The following KIAA1328 variants were observed in gnomAD, a reference collection of about 807,000 sequenced individuals.
The protein encoded by KIAA1328 is protein hinderin.
In KIAA1328, 52 loss-of-function variants were observed where a neutral mutation model predicts 68.1. That is an observed-to-expected ratio of 0.76 (90% CI 0.61 to 0.96). The LOEUF (loss-of-function observed/expected upper bound fraction) is 0.96, where lower values mean the gene tolerates loss of function less well. KIAA1328 is among the 40% of genes least tolerant of loss of function. The probability of loss-of-function intolerance (pLI) is 0.00; values close to 1 mark genes in which losing one functional copy is unlikely to be tolerated. For synonymous variants in KIAA1328, 232 were observed against 239.4 expected, an observed-to-expected ratio of 0.97 and a Z score of 0.28; for missense variants, 641 against 677.6, an observed-to-expected ratio of 0.95 and a Z score of 0.60.
chr18:37,015,314 G>A (rs2054115119), intron 6 of KIAA1328, among the ~76,000 whole-genome samples: 1 of 152,142 alleles, frequency 6.6e-6, no homozygotes, highest in Non-Finnish European at 1.5e-5. Context: ...CTCTTGTTGT[G>A]TGGACTTATT....
At chr18:36,956,543 T>G (rs1285354723) in intron 5 of KIAA1328, among the ~76,000 whole-genome samples, 47 of 137,202 alleles carry the variant, frequency 3.4e-4, no homozygotes, top group South Asian at 7.2e-4. Context: ...AGGAAGGAAG[T>G]GGGGGGGGGG....
At chr18:37,196,961 C>T (rs1313618964) in intron 9 of KIAA1328, among the ~76,000 whole-genome samples, 1 of 151,984 alleles carries the variant, frequency 6.6e-6, no homozygotes, top group Admixed American at 6.6e-5. Flanking sequence ...GCTTCAATCT[C>T]ATTAATTATT....
rs537416989 is a variant in KIAA1328 at position 36,833,853 on chromosome 18, T to C, written c.59-467T>C. ...AATAAATAATGTCTTTGTGTTTGCA[T>C]GATTGACTTGCCCTCAGTGTTTGTT... On this transcript the variant is annotated intron_variant, in intron 1 of 9. Coordinates refer to ENST00000280020, the MANE Select transcript of KIAA1328 (RefSeq NM_020776.3). Among the ~76,000 whole-genome samples the C allele has an allele frequency of 4.6e-5, 7 of 152,380 alleles. No homozygotes were observed. In the South Asian group the frequency reaches 1.4e-3, roughly 32 times the overall value.
At chr18:37,046,488 C>T (rs2055474924) in intron 6 of KIAA1328, among the ~76,000 whole-genome samples, 5 of 152,110 alleles carry the variant, frequency 3.3e-5, no homozygotes, top group African/African-American at 1.2e-4. Flanking sequence ...CTTGGCTCCT[C>T]CACTAGCACT....
At chr18:37,100,207 C>T (rs376982455) in intron 7 of KIAA1328, among the ~76,000 whole-genome samples, 4 of 152,150 alleles carry the variant, frequency 2.6e-5, no homozygotes, top group Admixed American at 6.5e-5. Flanking sequence ...AAGTGTGAGC[C>T]GAAGCAGGGC....
chr18:37,038,716 G>A (rs2055128530), intron 6 of KIAA1328, among the ~76,000 whole-genome samples: 1 of 151,564 alleles, frequency 6.6e-6, no homozygotes, highest in African/African-American at 2.4e-5. Flanking sequence ...TTATTGCACT[G>A]AATAGAACTT....
chr18:37,207,820 T>C (rs574636110), intron 9 of KIAA1328, among the ~76,000 whole-genome samples: 3 of 152,310 alleles, frequency 2.0e-5, no homozygotes, highest in African/African-American at 7.2e-5. Context: ...ATAAATTCAT[T>C]TATTTATTGA....
intron 7 of KIAA1328, among the ~76,000 whole-genome samples, chr18:37,113,329 C>T (rs556160279): frequency 6.6e-6 from 1 of 152,194 alleles, no homozygotes; most frequent in African/African-American, 2.4e-5. Context: ...ACTCTACAAG[C>T]CAGAAGAGAG....
intron 5 of KIAA1328, among the ~76,000 whole-genome samples, chr18:36,933,617 G>A (rs954461989): frequency 7.9e-5 from 12 of 152,246 alleles, no homozygotes; most frequent in Admixed American, 7.9e-4. Context: ...CAGCCCTGGG[G>A]TGCCAGGACC....
chr18:36,893,841 A>G (rs1355078025), intron 5 of KIAA1328, among the ~76,000 whole-genome samples: 1 of 152,124 alleles, frequency 6.6e-6, no homozygotes, highest in African/African-American at 2.4e-5. Context: ...AACTCTGCCC[A>G]CTTAGATATA....
intron 6 of KIAA1328, among the ~76,000 whole-genome samples, chr18:36,970,868 G>A (rs111589061): frequency 6.2e-4 from 95 of 152,142 alleles, no homozygotes; most frequent in Middle Eastern, 3.4e-3. Flanking sequence ...GAAAATGGCC[G>A]CAATGCCCAA....
At chr18:36,829,447 C>G in intron 1 of KIAA1328, 1 of 1,295,570 alleles carries the variant, frequency 7.7e-7, no homozygotes, top group Non-Finnish European at 9.7e-7. Context: ...CCGGTGAGCT[C>G]GAGAAAGATA....
intron 4 of KIAA1328, among the ~76,000 whole-genome samples, chr18:36,870,765 A>G (rs1441888900): frequency 6.6e-6 from 1 of 152,234 alleles, no homozygotes; most frequent in Non-Finnish European, 1.5e-5. Context: ...TCAATAGTCA[A>G]TTCAAGATCT....
intron 5 of KIAA1328, among the ~76,000 whole-genome samples, chr18:36,949,161 G>A (rs1318650825): frequency 6.6e-6 from 1 of 152,096 alleles, no homozygotes; most frequent in African/African-American, 2.4e-5. Context: ...ACCCATGAAA[G>A]GCTGAATTGC....
chr18:36,876,736 C>A (rs923773802), intron 4 of KIAA1328, among the ~76,000 whole-genome samples: 1 of 152,078 alleles, frequency 6.6e-6, no homozygotes, highest in African/African-American at 2.4e-5. Flanking sequence ...TTTGTTTGCT[C>A]TTGCTTCTCT....
rs148123894 is a variant in KIAA1328 at position 37,074,580 on chromosome 18, C to T, written c.1232+7035C>T. Among the ~76,000 whole-genome samples the T allele has an allele frequency of 7.9e-5, 12 of 152,300 alleles. No individual in the cohort carries two copies. The East Asian group carries it at 1.5e-3, about 20-fold the overall frequency. ...ACTGATACCCTTTCTTCCAGTTGAT[C>T]GCATCGGCTCCTGAGGCTTCTGCAT... On this transcript the variant is annotated intron_variant, in intron 7 of 9. Transcript: ENST00000280020.
chr18:36,841,018 A>G (rs2046842050), intron 3 of KIAA1328, among the ~76,000 whole-genome samples: 1 of 152,142 alleles, frequency 6.6e-6, no homozygotes, highest in Admixed American at 6.5e-5. Context: ...AGAACCTCAG[A>G]CTTCAGATTG....
At chr18:37,124,849 GGCTTCTTAT>G (rs1414354550) in intron 7 of KIAA1328, among the ~76,000 whole-genome samples, 1 of 152,036 alleles carries the variant, frequency 6.6e-6, no homozygotes, top group African/African-American at 2.4e-5. Context: ...TTACATGACT[GGCTTCTTAT>G]GCATCAAGGA....
chr18:36,983,697 A>G (rs2052790043), intron 6 of KIAA1328, among the ~76,000 whole-genome samples: 2 of 152,142 alleles, frequency 1.3e-5, no homozygotes, highest in Admixed American at 6.5e-5. Context: ...CAAACATTTA[A>G]GGAAGAAATA....
Sources: allele counts gnomAD v4.1 joint callset (sites outside exome capture counted in the v4.1 genomes callset), GRCh38; gene constraint gnomAD v4.1.1; transcripts MANE v1.5; gene names NCBI Gene and HGNC (gene_info 2026-07-23, HGNC 2026-07-21).